The following FMN2 variants were observed in gnomAD, a reference collection of about 807,000 sequenced individuals.
The protein encoded by FMN2 is formin 2.
Under a neutral mutation model 142.3 loss-of-function variants are expected in FMN2, and 51 were observed. That is an observed-to-expected ratio of 0.36 (90% CI 0.29 to 0.45). The LOEUF (loss-of-function observed/expected upper bound fraction) is 0.45, where lower values mean the gene tolerates loss of function less well. Ranked by LOEUF, FMN2 falls within the 20% of genes least tolerant of loss-of-function variation. The pLI is 1.00. For synonymous variants in FMN2, 882 were observed against 869.8 expected (o/e 1.01, Z -0.25); for missense variants, 1,936 against 2,122.8 (o/e 0.91, Z 1.73).
At chr1:240,279,117 G>A (rs1669313525) in intron 7 of FMN2, among the ~76,000 whole-genome samples, 1 of 152,100 alleles carries the variant, frequency 6.6e-6, no homozygotes, top group Non-Finnish European at 1.5e-5. Context: ...CGGTGCCTGA[G>A]GTAGGTTAAA....
intron 6 of FMN2, among the ~76,000 whole-genome samples, chr1:240,252,657 A>G (rs537888828): frequency 6.6e-6 from 1 of 151,514 alleles, no homozygotes; most frequent in East Asian, 2.0e-4. Context: ...TTCTCTTATA[A>G]GTGACTAGAT....
chr1:240,219,659 A>G (rs182392738), intron 6 of FMN2, among the ~76,000 whole-genome samples: 18 of 151,618 alleles, frequency 1.2e-4, no homozygotes, highest in Non-Finnish European at 2.5e-4. Flanking sequence ...AATTTTTTGT[A>G]TTTATTTTTT....
chr1:240,185,119 C>CCCCCTTCTCTTTCTCCCTCCTATACCTG (rs1665369372), intron 3 of FMN2, among the ~76,000 whole-genome samples: 1 of 17,350 alleles, frequency 5.8e-5, no homozygotes, highest in Non-Finnish European at 1.3e-4. Context: ...CCTATACCTT[C>CCCCCTTCTCTTTCTCCCTCCTATACCTG]CCCCTTCTCT....
rs575279386 is a variant in FMN2 at position 240,094,626 on chromosome 1, T to C, written c.1615+902T>C. Among the ~76,000 whole-genome samples, 9 of 152,232 alleles carry C rather than the reference T, an allele frequency of 5.9e-5. No individual in the cohort carries two copies. The East Asian group carries it at 1.7e-3, about 29-fold the overall frequency. ...GGCCTTACCTTAAGAGCCCAACATG[T>C]TTACCTAACCTCTATTCTTAATTAT... On this transcript the variant is annotated intron_variant, in intron 1 of 17. Transcript: ENST00000319653.
intron 14 of FMN2, among the ~76,000 whole-genome samples, chr1:240,388,032 G>T (rs964998449): frequency 1.3e-5 from 2 of 151,458 alleles, no homozygotes; most frequent in African/African-American, 4.9e-5. Flanking sequence ...AAAAAATTAA[G>T]CCAGGCGTGG....
intron 15 of FMN2, among the ~76,000 whole-genome samples, chr1:240,402,704 G>T (rs1674032307): frequency 1.3e-5 from 2 of 152,280 alleles, no homozygotes; most frequent in Middle Eastern, 6.8e-3. Context: ...GACCAAATAT[G>T]ATTGTTTTTA....
chr1:240,295,956 A>G (rs1669962495), intron 8 of FMN2, among the ~76,000 whole-genome samples: 1 of 152,122 alleles, frequency 6.6e-6, no homozygotes, highest in Non-Finnish European at 1.5e-5. Context: ...TTGCCAACAG[A>G]TGTGAAGTCA....
At chr1:240,104,684 C>T (rs986135425) in intron 1 of FMN2, among the ~76,000 whole-genome samples, 11 of 152,154 alleles carry the variant, frequency 7.2e-5, no homozygotes, top group African/African-American at 2.7e-4. Context: ...CAAAACTCAA[C>T]CACCTTTGGA....
chr1:240,379,421 G>A (rs1673153092), intron 14 of FMN2, among the ~76,000 whole-genome samples: 1 of 152,144 alleles, frequency 6.6e-6, no homozygotes, highest in Non-Finnish European at 1.5e-5. Flanking sequence ...AAAGCTTAAT[G>A]CAGATTTTTG....
intron 3 of FMN2, chr1:240,180,027 G>C (rs16839588): frequency 0.016 from 5,305 of 332,934 alleles, 270 homozygotes; most frequent in African/African-American, 0.11. Flanking sequence ...ATTTTAGTTT[G>C]GTAAAAGATG....
chr1:240,108,799 G>A (rs1056543994), intron 1 of FMN2, among the ~76,000 whole-genome samples: 6 of 152,162 alleles, frequency 3.9e-5, no homozygotes, highest in African/African-American at 1.4e-4. Context: ...ACTTTGGGAG[G>A]CCGAGGCAGA....
At chr1:240,121,384 T>TTA (rs980989513) in intron 1 of FMN2, among the ~76,000 whole-genome samples, 80 of 149,024 alleles carry the variant, frequency 5.4e-4, no homozygotes, top group African/African-American at 1.8e-3. Context: ...TATTTTTATT[T>TTA]TTTTTTTTTT....
chr1:240,242,875 G>A (rs1222716974), intron 6 of FMN2, among the ~76,000 whole-genome samples: 2 of 152,214 alleles, frequency 1.3e-5, no homozygotes, highest in Non-Finnish European at 2.9e-5. Context: ...TTAGCAAACT[G>A]TAATTCTGCT....
intron 13 of FMN2, among the ~76,000 whole-genome samples, chr1:240,337,614 ATCTTGGCCAT>A (rs1671608977): frequency 6.6e-6 from 1 of 152,214 alleles, no homozygotes; most frequent in Non-Finnish European, 1.5e-5. Flanking sequence ...TATCCAATAA[ATCTTGGCCAT>A]TCATAATAAG....
intron 14 of FMN2, among the ~76,000 whole-genome samples, chr1:240,371,045 T>C (rs1317518698): frequency 2.0e-5 from 3 of 152,082 alleles, no homozygotes; most frequent in African/African-American, 4.8e-5. Flanking sequence ...TTCAGGCAAT[T>C]CTCCTGCCTC....
chr1:240,295,175 T>C (rs983279078), intron 8 of FMN2, among the ~76,000 whole-genome samples: 3 of 144,558 alleles, frequency 2.1e-5, no homozygotes, highest in Non-Finnish European at 4.5e-5. Context: ...CCAAGCATTG[T>C]TCTGTGCACT....
chr1:240,272,410 G>A (rs1669048533), intron 7 of FMN2, among the ~76,000 whole-genome samples: 1 of 152,150 alleles, frequency 6.6e-6, no homozygotes, highest in Non-Finnish European at 1.5e-5. Context: ...AGAGGGGTCG[G>A]ATTGGCACTG....
chr1:240,301,963 C>T (rs768795817), intron 8 of FMN2, among the ~76,000 whole-genome samples: 11 of 151,906 alleles, frequency 7.2e-5, no homozygotes, highest in Non-Finnish European at 1.5e-4. Context: ...GTACTCTGTT[C>T]TCCCAGTTTC....
At chr1:240,292,933 A>G (rs1669844044) in intron 7 of FMN2, among the ~76,000 whole-genome samples, 1 of 152,104 alleles carries the variant, frequency 6.6e-6, no homozygotes. Flanking sequence ...AATTTCTCTC[A>G]GGTCAACTAG....
Sources: gnomAD v4.1 joint callset for allele counts (sites outside exome capture counted in the v4.1 genomes callset) on GRCh38, gnomAD v4.1.1 for gene constraint, MANE v1.5 for transcripts, NCBI Gene and HGNC (gene_info 2026-07-23, HGNC 2026-07-21) for gene names.